The following RBFOX3 variants were observed in gnomAD, a reference collection of about 807,000 sequenced individuals.
RBFOX3 encodes RNA binding protein fox-1 homolog 3.
A neutral mutation model predicts 48.7 loss-of-function variants in RBFOX3; 17 were observed. The observed-to-expected ratio is 0.35, with a 90% CI of 0.24 to 0.52. The LOEUF (loss-of-function observed/expected upper bound fraction) is 0.52. Among genes scored for constraint, RBFOX3 ranks in the 20% least tolerant of loss-of-function variants. RBFOX3 has a pLI of 0.94. For missense variants in RBFOX3, 382 were observed against 497.5 expected, an observed-to-expected ratio of 0.77 and a Z score of 2.21; for synonymous variants, 212 against 209.5, an observed-to-expected ratio of 1.01 and a Z score of -0.10.
intron 3 of RBFOX3, among the ~76,000 whole-genome samples, chr17:79,291,404 T>C (rs2073238002): frequency 6.6e-6 from 1 of 152,200 alleles, no homozygotes; most frequent in Non-Finnish European, 1.5e-5. Flanking sequence ...CTGTGTTCAG[T>C]TGGCTGGTCT....
intron 3 of RBFOX3, among the ~76,000 whole-genome samples, chr17:79,264,696 C>T (rs1386730452): frequency 2.0e-5 from 3 of 152,186 alleles, no homozygotes; most frequent in African/African-American, 4.8e-5. Context: ...CCACCTGATG[C>T]TGTTTCTGTT....
At chr17:79,494,373 G>A (rs1322946114) in intron 1 of RBFOX3, among the ~76,000 whole-genome samples, 1 of 152,184 alleles carries the variant, frequency 6.6e-6, no homozygotes, top group African/African-American at 2.4e-5. Context: ...GTGAGGCCCT[G>A]GGCAAGTAGC....
At chr17:79,449,859 G>T (rs2073131426) in intron 2 of RBFOX3, among the ~76,000 whole-genome samples, 1 of 152,156 alleles carries the variant, frequency 6.6e-6, no homozygotes, top group African/African-American at 2.4e-5. Flanking sequence ...GTGGGTGGCT[G>T]GCCCCCTCCT....
intron 4 of RBFOX3, among the ~76,000 whole-genome samples, chr17:79,183,071 G>T (rs2052493797): frequency 6.7e-6 from 1 of 148,634 alleles, no homozygotes; most frequent in Non-Finnish European, 1.5e-5. Context: ...CGCGCCCTGG[G>T]CGCCCCCGCG....
At chr17:79,395,403 T>C (rs2061867729) in intron 2 of RBFOX3, among the ~76,000 whole-genome samples, 1 of 152,200 alleles carries the variant, frequency 6.6e-6, no homozygotes, top group South Asian at 2.1e-4. Context: ...CTGCTATGTG[T>C]CTGGCCTCGC....
the RBFOX3 span, among the ~76,000 whole-genome samples, chr17:79,647,094 G>C: frequency 3.3e-5 from 5 of 149,648 alleles, no homozygotes; most frequent in African/African-American, 1.3e-4. Flanking sequence ...TGATCTCCTT[G>C]CACTAGAATG....
chr17:79,335,773 TC>T (rs2081097619), intron 2 of RBFOX3, among the ~76,000 whole-genome samples: 1 of 152,142 alleles, frequency 6.6e-6, no homozygotes, highest in African/African-American at 2.4e-5. Context: ...CGTCCTCTCG[TC>T]CTCCACATCT....
At chr17:79,119,471 C>A (rs1190102079) in intron 4 of RBFOX3, among the ~76,000 whole-genome samples, 1 of 152,102 alleles carries the variant, frequency 6.6e-6, no homozygotes, top group Non-Finnish European at 1.5e-5. Flanking sequence ...GATCCCAAAC[C>A]CACCATATGC....
At chr17:79,429,117 CGTGCTGTGCACACGT>C (rs1282826139) in intron 2 of RBFOX3, among the ~76,000 whole-genome samples, 1 of 152,246 alleles carries the variant, frequency 6.6e-6, no homozygotes, top group African/African-American at 2.4e-5. Flanking sequence ...CCCAGGTCCA[CGTGCTGTGCACACGT>C]GTGCAGAGGC....
the RBFOX3 span, among the ~76,000 whole-genome samples, chr17:79,618,699 T>G: frequency 1.3e-5 from 2 of 152,186 alleles, no homozygotes; most frequent in East Asian, 3.8e-4. Context: ...ATGAGAAACA[T>G]CTGGATACGC....
At chr17:79,177,342 C>G (rs72856449) in intron 4 of RBFOX3, among the ~76,000 whole-genome samples, 17,635 of 152,296 alleles carry the variant, frequency 0.12, 1,148 homozygotes, top group Non-Finnish European at 0.15. Flanking sequence ...CCTCCAAGGA[C>G]GGCAGCCGTT....
rs1159189674 is a variant in RBFOX3, at chr17:79,473,980, T to C, written c.-175+8474A>G. ...ACACAGATGTCTTTGAAAGCACCAA[T>C]CCTGCAAACACTTTGTATATCCTTG... On this transcript the variant is annotated intron_variant, in intron 2 of 14. Coordinates refer to ENST00000693108, the MANE Select transcript of RBFOX3 (RefSeq NM_001350451.2). This position sits in a 1 kb window ranked among gnomAD's most constrained non-coding sequence, Gnocchi z 4.2. Among the ~76,000 whole-genome samples the C allele has an allele frequency of 2.0e-5, 3 of 152,292 alleles. No individual in the cohort carries two copies. Among genetic ancestry groups the C allele is most frequent in the African/African-American group, 7.2e-5 (3 of 41,564 alleles).
intron 1 of RBFOX3, among the ~76,000 whole-genome samples, chr17:79,530,950 C>T (rs1288005999): frequency 2.0e-5 from 3 of 152,224 alleles, no homozygotes; most frequent in African/African-American, 7.2e-5. Context: ...GTGGCTGTGC[C>T]GTGCGGCAGG....
chr17:79,243,511 C>A lies in RBFOX3; in HGVS notation c.-73-7706G>T, dbSNP rs548557031. 6.6e-6 allele frequency among the ~76,000 whole-genome samples: 1 copy of A among 152,098 alleles called. No homozygotes were observed. The highest frequency in any genetic ancestry group is 2.1e-4 in the South Asian group (1 of 4,822). ...GGGGTGTCATTTGGGACTGTGGAGTCGACCACAGTCAATTGCTTGGGTGAT... is the reference window on the plus strand; with the variant it reads ...GGGGTGTCATTTGGGACTGTGGAGTAGACCACAGTCAATTGCTTGGGTGAT... On this transcript the variant is annotated intron_variant, in intron 3 of 14. Coordinates refer to ENST00000693108, the MANE Select transcript of RBFOX3 (RefSeq NM_001350451.2). This position sits in a 1 kb window ranked among gnomAD's most constrained non-coding sequence, Gnocchi z 7.9.
chr17:79,573,369 C>T (rs1036801772), intron 1 of RBFOX3, among the ~76,000 whole-genome samples: 50 of 152,324 alleles, frequency 3.3e-4, no homozygotes, highest in African/African-American at 1.2e-3. Flanking sequence ...ACCTGTGGGA[C>T]GACTCTGGGC....
intron 1 of RBFOX3, among the ~76,000 whole-genome samples, chr17:79,572,376 A>G (rs997122318): frequency 0.032 from 4,940 of 152,246 alleles, 285 homozygotes; most frequent in African/African-American, 0.11. Flanking sequence ...CCCTGTGTCC[A>G]GGAGCTCATT....
chr17:79,200,570 C>T (rs2056593948), intron 4 of RBFOX3, among the ~76,000 whole-genome samples: 1 of 152,208 alleles, frequency 6.6e-6, no homozygotes, highest in South Asian at 2.1e-4. Flanking sequence ...CCACCTGGCT[C>T]CTTGCAGCGC....
At chr17:79,551,155 C>T (rs1027412373) in intron 1 of RBFOX3, among the ~76,000 whole-genome samples, 25 of 152,118 alleles carry the variant, frequency 1.6e-4, no homozygotes, top group Non-Finnish European at 3.5e-4. Context: ...TCCTGGGAGG[C>T]CCTTGGGAAT....
intron 3 of RBFOX3, among the ~76,000 whole-genome samples, chr17:79,280,237 GCA>G (rs10561578): frequency 0.8 from 119,430 of 149,060 alleles, 47,895 homozygotes; most frequent in East Asian, 0.99. Context: ...ACGCACACAT[GCA>G]CACACACACA....
Sources: allele counts gnomAD v4.1 joint callset (sites outside exome capture counted in the v4.1 genomes callset), GRCh38; gene constraint gnomAD v4.1.1; non-coding constraint Gnocchi (gnomAD v3.1); transcripts MANE v1.5; gene names NCBI Gene and HGNC (gene_info 2026-07-23, HGNC 2026-07-21).